SHANK2: variants seen among roughly 807,000 people sequenced by gnomAD.
The protein encoded by SHANK2 is SH3 and multiple ankyrin repeat domains protein 2.
Under a neutral mutation model 133.7 loss-of-function variants are expected in SHANK2, and 43 were observed. The observed-to-expected ratio is 0.32, with a 90% CI of 0.25 to 0.41. The LOEUF (loss-of-function observed/expected upper bound fraction) is 0.41. SHANK2 is among the 10% of genes least tolerant of loss of function. SHANK2 has a pLI of 1.00. For synonymous variants in SHANK2, 1,017 were observed against 952.8 expected, an observed-to-expected ratio of 1.07 and a Z score of -1.24; for missense variants, 1,994 against 2,235.8, an observed-to-expected ratio of 0.89 and a Z score of 2.18.
intron 17 of SHANK2, among the ~76,000 whole-genome samples, chr11:70,547,638 G>A (rs2059711656): frequency 6.6e-6 from 1 of 152,212 alleles, no homozygotes. Flanking sequence ...CAGCTGGACA[G>A]CGTGTCTGAG....
chr11:70,751,449 G>C (rs1175047495), intron 14 of SHANK2, among the ~76,000 whole-genome samples: 3 of 152,162 alleles, frequency 2.0e-5, no homozygotes, highest in African/African-American at 7.2e-5. Flanking sequence ...GTTAAATCAA[G>C]ACATTTTTAG....
intron 3 of SHANK2, among the ~76,000 whole-genome samples, chr11:71,126,081 G>A (rs1331179158): frequency 1.3e-5 from 2 of 151,894 alleles, no homozygotes; most frequent in Non-Finnish European, 2.9e-5. Flanking sequence ...AGCTGGGTGT[G>A]GTGGCAGGCA....
chr11:70,545,924 G>A (rs1332955632), intron 17 of SHANK2, among the ~76,000 whole-genome samples: 4 of 152,016 alleles, frequency 2.6e-5, no homozygotes, highest in African/African-American at 4.8e-5. Flanking sequence ...CACAATACTC[G>A]GGAACATGCA....
At chr11:70,898,282 G>GCACACACA (rs71467421) in intron 10 of SHANK2, among the ~76,000 whole-genome samples, 7,508 of 135,366 alleles carry the variant, frequency 0.055, 266 homozygotes, top group Middle Eastern at 0.075. Context: ...ATACACACAC[G>GCACACACA]CACACACACA....
chr11:70,875,442 G>A (rs992966008), intron 11 of SHANK2, among the ~76,000 whole-genome samples: 4 of 152,024 alleles, frequency 2.6e-5, no homozygotes, highest in South Asian at 2.1e-4. Context: ...GGAGAAAGGC[G>A]TGAACCCGGG....
intron 10 of SHANK2, among the ~76,000 whole-genome samples, chr11:70,904,736 G>C (rs1228177754): frequency 1.3e-5 from 2 of 152,094 alleles, no homozygotes; most frequent in African/African-American, 4.8e-5. Flanking sequence ...TCGAACTCCT[G>C]ACCTCAAGTA....
chr11:71,142,809 G>C (rs1267610167), intron 3 of SHANK2, among the ~76,000 whole-genome samples: 1 of 139,276 alleles, frequency 7.2e-6, no homozygotes, highest in Non-Finnish European at 1.6e-5. Context: ...TAGGAATCTA[G>C]TCCAAAAAAA....
At chr11:70,849,675 G>C (rs1949054162) in intron 11 of SHANK2, among the ~76,000 whole-genome samples, 1 of 152,116 alleles carries the variant, frequency 6.6e-6, no homozygotes, top group Admixed American at 6.5e-5. Context: ...TCTTATGAGG[G>C]CATTTATGTC....
intron 2 of SHANK2, among the ~76,000 whole-genome samples, chr11:71,152,745 T>C (rs1175442307): frequency 6.6e-6 from 1 of 152,090 alleles, no homozygotes; most frequent in African/African-American, 2.4e-5. Flanking sequence ...GGGTCACACC[T>C]CCCGGGCTCT....
chr11:70,936,228 G>A (rs1166854875), intron 10 of SHANK2, among the ~76,000 whole-genome samples: 1 of 152,166 alleles, frequency 6.6e-6, no homozygotes, highest in Admixed American at 6.5e-5. Flanking sequence ...AGCAACAGGC[G>A]AGGCCAGGCG....
chr11:71,077,041 C>T (rs937495189), intron 8 of SHANK2, among the ~76,000 whole-genome samples: 5 of 152,104 alleles, frequency 3.3e-5, no homozygotes, highest in Admixed American at 6.6e-5. Context: ...AAGAGACATG[C>T]ACAAAGCCAA....
At chr11:70,574,953 C>A (rs974462010) in intron 17 of SHANK2, among the ~76,000 whole-genome samples, 1 of 152,162 alleles carries the variant, frequency 6.6e-6, no homozygotes, top group Non-Finnish European at 1.5e-5. Flanking sequence ...AGAGGCCCCG[C>A]TATGAGTCCC....
Position 70,486,850 on chromosome 11 carries a change from G to A in SHANK2, c.3443C>T (p.Ala1148Val). 6.2e-7 allele frequency: 1 copy of A among 1,612,676 alleles called. No individual in the cohort carries two copies. The highest frequency in any genetic ancestry group is 8.5e-7 in the Non-Finnish European group (1 of 1,179,928). Residue 1148 changes from alanine (A) to valine (V), a missense_variant, in exon 25 of 26, where the codon GCC (alanine) becomes GTC (valine). Coordinates refer to ENST00000601538, the MANE Select transcript of SHANK2 (RefSeq NM_012309.5). This position sits in a 1 kb window ranked among gnomAD's most constrained non-coding sequence, Gnocchi z 8.0. ...ATGGTTTTCGGGCTCCCTGGGCGTG[G>A]CACTCGGCATGGGGGATGACAGCTG... is the stretch of plus-strand genomic sequence containing the variant. The part of the protein sequence containing the change: ...AEQLSSPMPS[A>V]TPREPENHFV...
rs1277262271 is a variant in SHANK2 at position 70,569,395 on chromosome 11, G to A, written c.2062-66464C>T. ...CGGTGGAGCGGGGAGCTCCGGGGCT[G>A]GCAGAGTGAGCAGGGCCTGGGTCCT... On this transcript the variant is annotated intron_variant, in intron 17 of 25. Coordinates refer to ENST00000601538, the MANE Select transcript of SHANK2 (RefSeq NM_012309.5). The surrounding 1 kb of genome is among the most constrained non-coding windows in gnomAD (Gnocchi z 5.1). Among the ~76,000 whole-genome samples the A allele has an allele frequency of 2.6e-5, 4 of 152,208 alleles. No homozygotes were observed. Among genetic ancestry groups the A allele is most frequent in the African/African-American group, 7.2e-5 (3 of 41,444 alleles).
chr11:70,954,477 C>T (rs1950889163), intron 10 of SHANK2, among the ~76,000 whole-genome samples: 2 of 152,188 alleles, frequency 1.3e-5, no homozygotes, highest in Admixed American at 1.3e-4. Context: ...GGCTAAATTG[C>T]TAAATGTGGG....
chr11:70,756,300 C>A (rs565512353), intron 14 of SHANK2, among the ~76,000 whole-genome samples: 1 of 152,238 alleles, frequency 6.6e-6, no homozygotes, highest in East Asian at 1.9e-4. Flanking sequence ...AAATGCTGGC[C>A]TGGGTTCTCT....
chr11:71,119,762 G>A (rs567897988), intron 3 of SHANK2, among the ~76,000 whole-genome samples: 46 of 152,140 alleles, frequency 3.0e-4, no homozygotes, highest in African/African-American at 1.1e-3. Flanking sequence ...GGTCTGGGTG[G>A]GACCTGAGAA....
intron 22 of SHANK2, among the ~76,000 whole-genome samples, chr11:70,492,107 C>G (rs2058894465): frequency 6.6e-6 from 1 of 152,230 alleles, no homozygotes; most frequent in Non-Finnish European, 1.5e-5. Context: ...AGGCTCAGGG[C>G]ACTGAGTGAG....
At chr11:70,824,390 CCTTT>C (rs139529532) in intron 11 of SHANK2, among the ~76,000 whole-genome samples, 2 of 152,258 alleles carry the variant, frequency 1.3e-5, no homozygotes, top group East Asian at 3.9e-4. Context: ...CTCTGTGAAG[CCTTT>C]CTGTCATTGA....
Sources: gnomAD v4.1 joint callset for allele counts (sites outside exome capture counted in the v4.1 genomes callset) on GRCh38, gnomAD v4.1.1 for gene constraint, Gnocchi (gnomAD v3.1) non-coding constraint, MANE v1.5 for transcripts, NCBI Gene and HGNC (gene_info 2026-07-23, HGNC 2026-07-21) for gene names.